SUGCT: variants seen among roughly 807,000 people sequenced by gnomAD.
The protein encoded by SUGCT is succinyl-CoA:glutarate-CoA transferase.
SUGCT carries 41 observed loss-of-function variants against 55.0 expected under a neutral mutation model. The ratio of observed to expected loss-of-function variants is 0.74; its 90% CI spans 0.58 to 0.97. The LOEUF is 0.97. SUGCT is among the 50% of genes least tolerant of loss of function. The probability of loss-of-function intolerance (pLI) is 0.00; values close to 1 mark genes in which losing one functional copy is unlikely to be tolerated. For synonymous variants in SUGCT, 187 were observed against 200.4 expected, an observed-to-expected ratio of 0.93 and a Z score of 0.56; for missense variants, 568 against 547.8, an observed-to-expected ratio of 1.04 and a Z score of -0.37.
At chr7:40,209,959 G>A (rs1248563201) in intron 6 of SUGCT, among the ~76,000 whole-genome samples, 1 of 152,190 alleles carries the variant, frequency 6.6e-6, no homozygotes, top group Non-Finnish European at 1.5e-5. Flanking sequence ...TCCAAGGAAA[G>A]CCAAATAGTA....
chr7:40,816,031 C>T (rs1791653035), intron 13 of SUGCT, among the ~76,000 whole-genome samples: 1 of 152,218 alleles, frequency 6.6e-6, no homozygotes, highest in African/African-American at 2.4e-5. Flanking sequence ...TAGATGCAGA[C>T]CAGTTCCACG....
At chr7:41,038,556 C>T in the SUGCT span, among the ~76,000 whole-genome samples, 468 of 152,262 alleles carry the variant, frequency 3.1e-3, 2 homozygotes, top group African/African-American at 0.01. Context: ...CTTCTGTGAC[C>T]GGTGCTAGTT....
the SUGCT span, among the ~76,000 whole-genome samples, chr7:40,957,447 C>CTT: frequency 0.013 from 954 of 75,900 alleles, 7 homozygotes; most frequent in Non-Finnish European, 0.019. Flanking sequence ...GCAACCCCTG[C>CTT]TTTTTTTTTT....
chr7:40,834,833 CAAG>C (rs1231501806), intron 13 of SUGCT, among the ~76,000 whole-genome samples: 4 of 152,064 alleles, frequency 2.6e-5, no homozygotes, highest in African/African-American at 9.7e-5. Flanking sequence ...ACATCAGTAA[CAAG>C]AAAGATTCAA....
chr7:40,765,347 A>C (rs1584405277), intron 13 of SUGCT, among the ~76,000 whole-genome samples: 1 of 152,118 alleles, frequency 6.6e-6, no homozygotes, highest in East Asian at 1.9e-4. Flanking sequence ...ATTTCAAAAA[A>C]AGTAAACTAA....
chr7:40,733,791 C>T (rs1264649682), intron 12 of SUGCT, among the ~76,000 whole-genome samples: 1 of 152,214 alleles, frequency 6.6e-6, no homozygotes, highest in African/African-American at 2.4e-5. Flanking sequence ...CATTTATCAA[C>T]CGCTGCTTGG....
At chr7:40,770,248 T>G (rs891555564) in intron 13 of SUGCT, among the ~76,000 whole-genome samples, 3 of 152,166 alleles carry the variant, frequency 2.0e-5, no homozygotes, top group African/African-American at 7.2e-5. Flanking sequence ...ATCAGGATTA[T>G]CTTTAGCTAT....
At chr7:40,748,125 C>G (rs1198919916) in intron 12 of SUGCT, among the ~76,000 whole-genome samples, 2 of 152,022 alleles carry the variant, frequency 1.3e-5, no homozygotes, top group African/African-American at 4.8e-5. Context: ...TGGTGGGACA[C>G]TAGATACCTA....
chr7:40,270,955 A>G (rs1156624434), intron 7 of SUGCT, among the ~76,000 whole-genome samples: 1 of 151,976 alleles, frequency 6.6e-6, no homozygotes, highest in African/African-American at 2.4e-5. Context: ...TTTTTATCCT[A>G]TTATAAATTG....
intron 6 of SUGCT, among the ~76,000 whole-genome samples, chr7:40,219,613 G>A (rs552470955): frequency 6.6e-6 from 1 of 152,234 alleles, no homozygotes; most frequent in Admixed American, 6.5e-5. Context: ...TGTGAATGGA[G>A]ATTGTTGAAG....
rs564422756 is a variant in SUGCT, at chr7:40,484,410, G to T, written c.987-11874G>T. On this transcript the variant is annotated intron_variant, in intron 11 of 13. Coordinates refer to ENST00000335693, the MANE Select transcript of SUGCT (RefSeq NM_001193313.2). ...TTAGTTGGAAAGAAGTCAGGGATGGGTAGAGCCCAGGCAACACTCCCAGTG... is the reference window on the plus strand; with the variant it reads ...TTAGTTGGAAAGAAGTCAGGGATGGTTAGAGCCCAGGCAACACTCCCAGTG... Among the ~76,000 whole-genome samples, 9 of 152,304 alleles carry T rather than the reference G, an allele frequency of 5.9e-5. No homozygotes were observed. The South Asian group carries it at 1.9e-3, about 32-fold the overall frequency.
At chr7:40,672,093 T>C (rs1245074312) in intron 12 of SUGCT, among the ~76,000 whole-genome samples, 2 of 152,176 alleles carry the variant, frequency 1.3e-5, no homozygotes, top group Non-Finnish European at 2.9e-5. Context: ...GAGAGAACCT[T>C]TTTAACAAAT....
At chr7:40,835,869 A>G (rs1792941101) in intron 13 of SUGCT, among the ~76,000 whole-genome samples, 1 of 149,510 alleles carries the variant, frequency 6.7e-6, no homozygotes, top group Non-Finnish European at 1.5e-5. Flanking sequence ...AATCATTAGT[A>G]TCTTCCATTT....
intron 12 of SUGCT, among the ~76,000 whole-genome samples, chr7:40,694,291 A>G (rs941205916): frequency 2.0e-5 from 3 of 152,214 alleles, no homozygotes; most frequent in Non-Finnish European, 4.4e-5. Flanking sequence ...GGTCTGCCCT[A>G]ACATAACTGT....
At chr7:40,741,896 T>C (rs1180225939) in intron 12 of SUGCT, among the ~76,000 whole-genome samples, 1 of 152,140 alleles carries the variant, frequency 6.6e-6, no homozygotes, top group Non-Finnish European at 1.5e-5. Flanking sequence ...ATTTGGAGTA[T>C]ATACACACTG....
At chr7:40,459,302 A>G in intron 11 of SUGCT, 104 bp downstream of exon 11, 2 of 736,612 alleles carry the variant, frequency 2.7e-6, no homozygotes, top group Non-Finnish European at 4.3e-6. Context: ...ATCAATTTGT[A>G]ATTCTCTTCC....
intron 12 of SUGCT, among the ~76,000 whole-genome samples, chr7:40,573,648 TATGTAGAAGTAGA>T (rs1247477429): frequency 6.6e-6 from 1 of 152,222 alleles, no homozygotes; most frequent in Non-Finnish European, 1.5e-5. Context: ...AATTAATAGA[TATGTAGAAGTAGA>T]GCTTTGATTT....
intron 12 of SUGCT, among the ~76,000 whole-genome samples, chr7:40,561,195 C>A (rs577243578): frequency 1.3e-5 from 2 of 152,262 alleles, no homozygotes; most frequent in South Asian, 2.1e-4. Flanking sequence ...CTACAGAATT[C>A]TAGCAATGCC....
At chr7:40,943,528 G>A in the SUGCT span, among the ~76,000 whole-genome samples, 6 of 147,164 alleles carry the variant, frequency 4.1e-5, no homozygotes, top group Non-Finnish European at 8.9e-5. Context: ...AGAACATGCG[G>A]TGTTTGGTTT....
Sources: allele counts gnomAD v4.1 joint callset (sites outside exome capture counted in the v4.1 genomes callset), GRCh38; gene constraint gnomAD v4.1.1; transcripts MANE v1.5; gene names NCBI Gene and HGNC (gene_info 2026-07-23, HGNC 2026-07-21).